RAB6C: variants seen among roughly 807,000 people sequenced by gnomAD.
RAB6C encodes RAB6C, member RAS oncogene family.
In RAB6C, 8 loss-of-function variants were observed where a neutral mutation model predicts 17.2. That is an observed-to-expected ratio of 0.46 (90% confidence interval 0.27 to 0.84). The LOEUF (loss-of-function observed/expected upper bound fraction) is 0.84, where lower values mean the gene tolerates loss of function less well. RAB6C is among the 40% of genes least tolerant of loss of function. RAB6C has a pLI of 0.13. For synonymous variants in RAB6C, 78 were observed against 118.9 expected (o/e 0.66, Z 2.24); for missense variants, 151 against 306.5 (o/e 0.49, Z 3.79).
Position 129,980,849 on chromosome 2 carries a change from A to G in RAB6C, c.734A>G (p.Asn245Ser), listed in dbSNP as rs779916113. 42 of 1,604,730 alleles carry G rather than the reference A, an allele frequency of 2.6e-5. No individual in the cohort carries two copies. The highest frequency in any genetic ancestry group is 9.4e-5 in the African/African-American group (7 of 74,546). The change falls in exon 1 of 1, where the codon AAT becomes AGT. Residue 245 changes from asparagine (N) to serine (S), a missense_variant. By Grantham distance (46) the Asn-to-Ser change is conservative. This residue lies in a region of RAB6C where 136 missense variants were observed against 200.0 expected (regional missense o/e 0.68). Transcript: ENST00000410061. ...NLFPSLITFC[N>S]SSLLPVSWR ...TTCCCTTCATTAATAACGTTTTGCA[A>G]TTCATCATTGCTGCCTGTCTCGTGG... is the stretch of plus-strand genomic sequence containing the variant.
Position 129,980,414 on chromosome 2 carries a change from C to A in RAB6C, c.299C>A (p.Ser100Ter). The A allele has an allele frequency of 6.2e-7, 1 of 1,613,580 alleles. No individual in the cohort carries two copies. The highest frequency in any genetic ancestry group is 8.5e-7 in the Non-Finnish European group (1 of 1,179,954). Residue 100 changes from serine to a stop codon, truncating the protein, a stop_gained, in exon 1 of 1, where the codon TCA becomes TAA. Transcript: ENST00000410061. LOFTEE classifies it high-confidence loss of function. ...GTTTACGATATCACAAATGTTAACT[C>A]ATTCCAGCAAACTACAAAGTGGATT... The part of the protein sequence containing the change: ...VVVYDITNVN[S>*]FQQTTKWIDD...
rs763686096 is a variant in RAB6C at position 129,980,821 on chromosome 2, C to A, written c.706C>A (p.Leu236Ile). 2 of 1,595,792 alleles carry A rather than the reference C, an allele frequency of 1.3e-6. No individual in the cohort carries two copies. The highest frequency in any genetic ancestry group is 2.2e-5 in the East Asian group (1 of 44,714). ...CTGCAGTGTGAATATTGGCTTGAAC[C>A]TTTTCCCTTCATTAATAACGTTTTG... ...IDCSVNIGLN[L>I]FPSLITFCNS... The change falls in exon 1 of 1, where the codon CTT (leucine) becomes ATT (isoleucine). Residue 236 changes from leucine to isoleucine, a missense_variant. Coordinates refer to ENST00000410061, the MANE Select transcript of RAB6C (RefSeq NM_032144.3).
At position 129,982,504 on chromosome 2, in the gene RAB6C, C is replaced by G. The variant is rs1211821272; in HGVS notation, c.*1624C>G. ...CCTTAGTCCCCTCTCTTTCCTCTTC[C>G]TCCTCCACTTCCCACTTATTGTCAC... On this transcript the variant is annotated 3_prime_UTR_variant, in exon 1 of 1. Coordinates refer to ENST00000410061, the MANE Select transcript of RAB6C (RefSeq NM_032144.3). 2.4e-5 allele frequency: 4 copies of G among 167,078 alleles called. No individual in the cohort carries two copies. Among genetic ancestry groups the G allele is most frequent in the African/African-American group, 9.7e-5 (4 of 41,448 alleles). 10.3% of individuals were successfully genotyped at this position (167,078 alleles called of 1,614,324 possible).
chr2:129,980,837 T>C lies in RAB6C; in HGVS notation c.722T>C (p.Ile241Thr). 6.2e-7 allele frequency: 1 copy of C among 1,603,136 alleles called. No homozygotes were observed. The highest frequency in any genetic ancestry group is 8.5e-7 in the Non-Finnish European group (1 of 1,172,616). The change falls in exon 1 of 1, where the codon ATA (isoleucine) becomes ACA (threonine). Residue 241 changes from isoleucine (I) to threonine (T), a missense_variant. Transcript: ENST00000410061. ...NIGLNLFPSL[I>T]TFCNSSLLPV... ...GGCTTGAACCTTTTCCCTTCATTAA[T>C]AACGTTTTGCAATTCATCATTGCTG...
rs769896292 is a variant in RAB6C, at chr2:129,980,783, A to ACT, written c.671_672dup (p.Phe225LeufsTer7). 6.2e-7 allele frequency: 1 copy of ACT among 1,601,148 alleles called. No homozygotes were observed. The highest frequency in any genetic ancestry group is 1.4e-5 in the African/African-American group (1 of 73,658). On this transcript the variant is annotated frameshift_variant, in exon 1 of 1. Coordinates refer to ENST00000410061, the MANE Select transcript of RAB6C (RefSeq NM_032144.3). LOFTEE classifies it high-confidence loss of function. ...TCAACCCTTCCTCAGAAGCCCCCTT[A>ACT]CTCTTTCATTGACTGCAGTGTGAAT...
rs745393605 is a variant in RAB6C at position 129,979,826 on chromosome 2, A to T, written c.-290A>T. On this transcript the variant is annotated 5_prime_UTR_variant, in exon 1 of 1. The change creates a new upstream start codon in the 5' untranslated region. Transcript: ENST00000410061. ...GGAGGGAACGGCCCTAGCCTTGGGA[A>T]GCCAAAGCACACCCCTGGCTCCTGC... 1 of 568,110 alleles carries T rather than the reference A, an allele frequency of 1.8e-6. No individual in the cohort carries two copies. The highest frequency in any genetic ancestry group is 3.2e-5 in the Admixed American group (1 of 31,404). The allele number at this position is 568,110 out of a possible 1,614,324, so 35.2% of individuals were successfully genotyped here.
Position 129,979,882 on chromosome 2 carries a change from G to C in RAB6C, c.-234G>C. ...CCGCCCTCCTTCCCTTCCCAGCCGC[G>C]GGCCTCGCTCCGTGCTCGGCTACTC... is the stretch of plus-strand genomic sequence containing the variant. On this transcript the variant is annotated 5_prime_UTR_variant, in exon 1 of 1. Transcript: ENST00000410061. The C allele has an allele frequency of 4.4e-6, 3 of 684,816 alleles. No homozygotes were observed. The highest frequency in any genetic ancestry group is 4.9e-6 in the Non-Finnish European group (2 of 404,194). 42.4% of individuals were successfully genotyped at this position (684,816 alleles called of 1,614,324 possible).
rs1482972496 is a variant in RAB6C at position 129,982,445 on chromosome 2, C to T, written c.*1565C>T. 2 of 167,044 alleles carry T rather than the reference C, an allele frequency of 1.2e-5. No individual in the cohort carries two copies. Among genetic ancestry groups the T allele is most frequent in the Non-Finnish European group, 2.9e-5 (2 of 68,118 alleles). The allele number at this position is 167,044 out of a possible 1,614,324, so 10.3% of individuals were successfully genotyped here. ...CAAAAGTATCTTCATACTTCCTCAT[C>T]CCCTCATTGCAACAAAACCTTAAAC... On this transcript the variant is annotated 3_prime_UTR_variant, in exon 1 of 1. Coordinates refer to ENST00000410061, the MANE Select transcript of RAB6C (RefSeq NM_032144.3).
rs1248909962 is a variant in RAB6C at position 129,982,163 on chromosome 2, C to A, written c.*1283C>A. The A allele has an allele frequency of 6.0e-6, 1 of 165,494 alleles. No homozygotes were observed. Among genetic ancestry groups the A allele is most frequent in the Non-Finnish European group, 1.5e-5 (1 of 67,846 alleles). 10.3% of individuals were successfully genotyped at this position (165,494 alleles called of 1,614,324 possible). A position where few individuals can be genotyped will look rare whatever the true frequency, so the allele number is the denominator to read the frequency against. ...GCTTTTTTTTTTTTTAACAACTTTC[C>A]ATTTTTAGATGTTTCGTTGAATCTA... On this transcript the variant is annotated 3_prime_UTR_variant, in exon 1 of 1. Coordinates refer to ENST00000410061, the MANE Select transcript of RAB6C (RefSeq NM_032144.3).
At position 129,981,022 on chromosome 2, in the gene RAB6C, T is replaced by C; in HGVS notation, c.*142T>C. ...AACATTTTTTTCTTTTTTAATGTTA[T>C]GATAATGTACTTCAAAATGATGGAA... On this transcript the variant is annotated 3_prime_UTR_variant, in exon 1 of 1. Transcript: ENST00000410061. 1 of 1,083,030 alleles carries C rather than the reference T, an allele frequency of 9.2e-7. No individual in the cohort carries two copies. The allele number at this position is 1,083,030 out of a possible 1,614,324, so 67.1% of individuals were successfully genotyped here.
Position 129,981,137 on chromosome 2 carries a change from C to G in RAB6C, c.*257C>G, listed in dbSNP as rs1442615868. The stretch of plus-strand genomic sequence containing the variant: ...TTGCTCTTCTCACCTCTCCCTTACC[C>G]CGTTCCCTATTTCCGTGTTCTTACC... On this transcript the variant is annotated 3_prime_UTR_variant, in exon 1 of 1. Transcript: ENST00000410061. 7.6e-6 allele frequency: 2 copies of G among 264,210 alleles called. No homozygotes were observed. Among genetic ancestry groups the G allele is most frequent in the Non-Finnish European group, 1.5e-5 (2 of 129,370 alleles). The allele number at this position is 264,210 out of a possible 1,614,324, so 16.4% of individuals were successfully genotyped here.
In RAB6C at chr2:129,982,032, G is replaced by C. The variant is rs1681776630; in HGVS notation, c.*1152G>C. 1 of 165,076 alleles carries C rather than the reference G, an allele frequency of 6.1e-6. No individual in the cohort carries two copies. Among genetic ancestry groups the C allele is most frequent in the Non-Finnish European group, 1.5e-5 (1 of 67,896 alleles). The allele number at this position is 165,076 out of a possible 1,614,324, so 10.2% of individuals were successfully genotyped here. A position where few individuals can be genotyped will look rare whatever the true frequency, so the allele number is the denominator to read the frequency against. ...ATTTTTTAGCATTTTTTAAGGTTGGGTCTTTCAGGCTGGTTTTGGTTTGTA... is the reference window on the plus strand; with the variant it reads ...ATTTTTTAGCATTTTTTAAGGTTGGCTCTTTCAGGCTGGTTTTGGTTTGTA... On this transcript the variant is annotated 3_prime_UTR_variant, in exon 1 of 1. Coordinates refer to ENST00000410061, the MANE Select transcript of RAB6C (RefSeq NM_032144.3).
In RAB6C at chr2:129,981,656, G is replaced by T. The variant is rs1573546966; in HGVS notation, c.*776G>T. 1.2e-5 allele frequency: 2 copies of T among 167,208 alleles called. No homozygotes were observed. The highest frequency in any genetic ancestry group is 2.1e-4 in the South Asian group (1 of 4,826). The allele number at this position is 167,208 out of a possible 1,614,324, so 10.4% of individuals were successfully genotyped here. ...AAGTAAGAAACCTCTGTAAGCAATA[G>T]ATTTTGCTTGGGTTTTCTTTCTTAA... On this transcript the variant is annotated 3_prime_UTR_variant, in exon 1 of 1. Transcript: ENST00000410061.
Position 129,980,772 on chromosome 2 carries a change from G to C in RAB6C, c.657G>C (p.Gln219His), listed in dbSNP as rs1232085893. 4 of 1,605,862 alleles carry C rather than the reference G, an allele frequency of 2.5e-6. No individual in the cohort carries two copies. The African/African-American group carries it at 5.4e-5, about 22-fold the overall frequency. ...YSPMSSSTLP[Q>H]KPPYSFIDCS... ...CCATGTCATCTTCAACCCTTCCTCAGAAGCCCCCTTACTCTTTCATTGACT... is the reference window on the plus strand; with the variant it reads ...CCATGTCATCTTCAACCCTTCCTCACAAGCCCCCTTACTCTTTCATTGACT... Residue 219 changes from glutamine to histidine, a missense_variant, in exon 1 of 1, where the codon CAG (glutamine) becomes CAC (histidine). Physicochemically the swap from Gln to His is conservative, Grantham distance 24. Around this residue, in one of 2 missense-constraint regions of RAB6C, gnomAD observed 136 missense variants for 200.0 expected, o/e 0.68. Coordinates refer to ENST00000410061, the MANE Select transcript of RAB6C (RefSeq NM_032144.3).
In RAB6C at chr2:129,981,374, A is replaced by C. The variant is rs965258505; in HGVS notation, c.*494A>C. The C allele has an allele frequency of 1.1e-5, 2 of 179,166 alleles. No individual in the cohort carries two copies. The highest frequency in any genetic ancestry group is 4.8e-5 in the African/African-American group (2 of 41,530). The allele number at this position is 179,166 out of a possible 1,614,324, so 11.1% of individuals were successfully genotyped here. On this transcript the variant is annotated 3_prime_UTR_variant, in exon 1 of 1. Transcript: ENST00000410061. ...CACGGTAGGCAGTGCTTGAATGAGA[A>C]AAGCCTCCTGGTGCATCTTCAAAAT...
chr2:129,979,911 C>G lies in RAB6C; in HGVS notation c.-205C>G. On this transcript the variant is annotated 5_prime_UTR_variant, in exon 1 of 1. Transcript: ENST00000410061. ...CTCGCTCCGTGCTCGGCTACTCTGC[C>G]GGGAGGCGGCGGCGGCTGCCAGTCT... is the stretch of plus-strand genomic sequence containing the variant. 5 of 916,250 alleles carry G rather than the reference C, an allele frequency of 5.5e-6. No individual in the cohort carries two copies. In the South Asian group the frequency reaches 9.0e-5, roughly 16 times the overall value. 56.8% of individuals were successfully genotyped at this position (916,250 alleles called of 1,614,324 possible).
In RAB6C at chr2:129,981,420, A is replaced by C. The variant is rs1323044029; in HGVS notation, c.*540A>C. 4 of 171,736 alleles carry C rather than the reference A, an allele frequency of 2.3e-5. No individual in the cohort carries two copies. Among genetic ancestry groups the C allele is most frequent in the Non-Finnish European group, 5.7e-5 (4 of 70,758 alleles). The allele number at this position is 171,736 out of a possible 1,614,324, so 10.6% of individuals were successfully genotyped here. Reference sequence around the variant, plus strand: ...AAAATGAGTCCTAAAGAACATACTGAGTACTTATAAGTAGCAGAACATAAA... The same window carrying C: ...AAAATGAGTCCTAAAGAACATACTGCGTACTTATAAGTAGCAGAACATAAA... On this transcript the variant is annotated 3_prime_UTR_variant, in exon 1 of 1. Transcript: ENST00000410061.
chr2:129,980,517 G>A lies in RAB6C; in HGVS notation c.402G>A (p.Arg134=). The change falls in exon 1 of 1, where the codon AGG becomes AGA. Residue 134 remains arginine (R), a synonymous_variant. Coordinates refer to ENST00000410061, the MANE Select transcript of RAB6C (RefSeq NM_032144.3). ...VGNRTDLADK[R]QVSVEEGERK... is the part of the protein sequence containing the mutation. Reference sequence around the variant, plus strand: ...ATAGAACAGATCTTGCTGACAAGAGGCAAGTGTCAGTTGAGGAGGGAGAGA... The same window carrying A: ...ATAGAACAGATCTTGCTGACAAGAGACAAGTGTCAGTTGAGGAGGGAGAGA... The A allele has an allele frequency of 6.2e-7, 1 of 1,614,230 alleles. No homozygotes were observed. The highest frequency in any genetic ancestry group is 8.5e-7 in the Non-Finnish European group (1 of 1,180,054).
In RAB6C at chr2:129,980,471, T is replaced by A. The variant is rs764588864; in HGVS notation, c.356T>A (p.Val119Asp). Residue 119 changes from valine (V) to aspartate (D), a missense_variant, in exon 1 of 1, where the codon GTT becomes GAT. Around this residue, in one of 2 missense-constraint regions of RAB6C, gnomAD observed 136 missense variants for 200.0 expected, o/e 0.68. Coordinates refer to ENST00000410061, the MANE Select transcript of RAB6C (RefSeq NM_032144.3). ...GTCAGAACAGAAAGAGGAAGTGATGTTATCATCACGCTAGTAGGAAATAGA... is the reference window on the plus strand; with the variant it reads ...GTCAGAACAGAAAGAGGAAGTGATGATATCATCACGCTAGTAGGAAATAGA... ...DDVRTERGSD[V>D]IITLVGNRTD... is the part of the protein sequence containing the mutation. 1.2e-6 allele frequency: 2 copies of A among 1,614,056 alleles called. No individual in the cohort carries two copies. The highest frequency in any genetic ancestry group is 2.7e-5 in the African/African-American group (2 of 74,900).
Sources: allele counts gnomAD v4.1 joint callset, GRCh38; gene constraint gnomAD v4.1.1; regional missense constraint gnomAD v4.1.1; transcripts MANE v1.5; gene names NCBI Gene and HGNC (gene_info 2026-07-23, HGNC 2026-07-21).